RGS10: variants seen among roughly 807,000 people sequenced by gnomAD.
The protein encoded by RGS10 is regulator of G-protein signalling 10.
In RGS10, 11 loss-of-function variants were observed where a neutral mutation model predicts 23.5. The ratio of observed to expected loss-of-function variants is 0.47; its 90% CI spans 0.29 to 0.77. The LOEUF is 0.77. Among genes scored for constraint, RGS10 ranks in the 30% least tolerant of loss-of-function variants. RGS10 has a pLI of 0.08. For missense variants in RGS10, 180 were observed against 226.3 expected, an observed-to-expected ratio of 0.80 and a Z score of 1.31; for synonymous variants, 77 against 83.2, an observed-to-expected ratio of 0.92 and a Z score of 0.41.
chr10:119,527,169 G>T lies in RGS10; in HGVS notation c.168+137C>A. 1 of 620,006 alleles carries T rather than the reference G, an allele frequency of 1.6e-6. No homozygotes were observed. Among genetic ancestry groups the T allele is most frequent in the Non-Finnish European group, 2.9e-6 (1 of 348,534 alleles). 38.4% of individuals were successfully genotyped at this position (620,006 alleles called of 1,614,324 possible). A position where few individuals can be genotyped will look rare whatever the true frequency, so the allele number is the denominator to read the frequency against. ...AAAGTCTCACCCTCAAGCTGGGATA[G>T]ACAGTACTGAACTCTCAAGCTGGCA... is the stretch of plus-strand genomic sequence containing the variant. On this transcript the variant is annotated intron_variant, in intron 2 of 4. Transcript: ENST00000369103. This position sits in a 1 kb window ranked among gnomAD's most constrained non-coding sequence, Gnocchi z 4.2.
rs1029049481 is a variant in RGS10, at chr10:119,527,854, C to T, written c.50-430G>A. Among the ~76,000 whole-genome samples, 18 of 152,094 alleles carry T rather than the reference C, an allele frequency of 1.2e-4. No individual in the cohort carries two copies. The highest frequency in any genetic ancestry group is 4.1e-4 in the African/African-American group (17 of 41,398). On this transcript the variant is annotated intron_variant, in intron 1 of 4. Transcript: ENST00000369103. This position sits in a 1 kb window ranked among gnomAD's most constrained non-coding sequence, Gnocchi z 4.2. ...TTGTGACTATTTACATGACTGACTC[C>T]CACTAGTCTGAAGGCTCCTATGTGT...
chr10:119,528,456 T>C lies in RGS10; in HGVS notation c.50-1032A>G, dbSNP rs891062521. Among the ~76,000 whole-genome samples, 68 of 152,178 alleles carry C rather than the reference T, an allele frequency of 4.5e-4. 2 individuals carry two copies. Among genetic ancestry groups the C allele is most frequent in the Admixed American group, 4.3e-3 (65 of 15,264 alleles). On this transcript the variant is annotated intron_variant, in intron 1 of 4. Coordinates refer to ENST00000369103, the MANE Select transcript of RGS10 (RefSeq NM_001005339.2). The stretch of plus-strand genomic sequence containing the variant: ...TTTTTCCTTTTGCTTCAGAGTCCAA[T>C]ATGGCTCAGCATCACACTGTTATTT...
intron 4 of RGS10, among the ~76,000 whole-genome samples, chr10:119,501,772 G>A (rs952892664): frequency 3.9e-5 from 6 of 152,036 alleles, no homozygotes; most frequent in African/African-American, 1.4e-4. Flanking sequence ...ACATCTGAGG[G>A]ACTCAAAGGA....
intron 3 of RGS10, 89 bp downstream of exon 3, chr10:119,525,943 A>T (rs1466809875): frequency 1.1e-5 from 7 of 618,884 alleles, no homozygotes; most frequent in Non-Finnish European, 2.0e-5. Flanking sequence ...AACTAATATG[A>T]ATCAGGTTTC....
chr10:119,515,569 C>A lies in RGS10; in HGVS notation c.339G>T (p.Arg113=). The A allele has an allele frequency of 6.2e-7, 1 of 1,614,174 alleles. No individual in the cohort carries two copies. The highest frequency in any genetic ancestry group is 2.2e-5 in the East Asian group (1 of 44,878). Residue 113 remains arginine, a synonymous_variant, in exon 4 of 5, where the codon CGG becomes CGT. Coordinates refer to ENST00000369103, the MANE Select transcript of RGS10 (RefSeq NM_001005339.2). ...SSQVNVEGQS[R]LNEKILEEPH... ...GTTCTTCCAGGATCTTCTCGTTGAG[C>A]CGAGACTGCCCCTCCACGTTGACCT...
At chr10:119,534,590 CAAAAAAAAAAA>C (rs561361616) in intron 1 of RGS10, among the ~76,000 whole-genome samples, 1 of 72,966 alleles carries the variant, frequency 1.4e-5, no homozygotes, top group Non-Finnish European at 2.4e-5. Context: ...GACTCTGTCT[CAAAAAAAAAAA>C]AAAAAAAAGG....
chr10:119,512,353 C>G (rs1330439214), intron 4 of RGS10, among the ~76,000 whole-genome samples: 3 of 152,138 alleles, frequency 2.0e-5, no homozygotes, highest in African/African-American at 7.2e-5. Context: ...AAGAAAAAAA[C>G]CGGGGCTAAT....
chr10:119,518,800 G>A (rs936408752), intron 3 of RGS10, among the ~76,000 whole-genome samples: 2 of 151,812 alleles, frequency 1.3e-5, no homozygotes, highest in African/African-American at 2.4e-5. Flanking sequence ...TGCCTCCCGG[G>A]TTCAAGCAAT....
chr10:119,502,143 A>C (rs957778020), intron 4 of RGS10, among the ~76,000 whole-genome samples: 2 of 151,376 alleles, frequency 1.3e-5, no homozygotes, highest in Non-Finnish European at 2.9e-5. Context: ...GAAAAAAAAA[A>C]CAAACTTTTT....
chr10:119,529,332 T>TA (rs1844310345), intron 1 of RGS10, among the ~76,000 whole-genome samples: 1 of 152,112 alleles, frequency 6.6e-6, no homozygotes, highest in Non-Finnish European at 1.5e-5. Context: ...TGGGTGCCTG[T>TA]AGTCCCAGCT....
intron 4 of RGS10, among the ~76,000 whole-genome samples, chr10:119,504,328 T>C (rs1053890253): frequency 2.0e-5 from 3 of 152,174 alleles, no homozygotes; most frequent in Non-Finnish European, 4.4e-5. Context: ...TAGCTGTGAT[T>C]ACAGGTGTGC....
chr10:119,515,282 T>C (rs1844128559), intron 4 of RGS10: 2 of 556,270 alleles, frequency 3.6e-6, no homozygotes, highest in Non-Finnish European at 6.4e-6. Context: ...CTAAACTGTG[T>C]GTAGACCAAG....
chr10:119,519,591 CTA>C (rs1374515498), intron 3 of RGS10, among the ~76,000 whole-genome samples: 1 of 126,876 alleles, frequency 7.9e-6, no homozygotes, highest in Non-Finnish European at 1.7e-5. Context: ...TTCTGTCTCC[CTA>C]TCTGTCCCCC....
chr10:119,539,771 C>T (rs764940410), intron 1 of RGS10, among the ~76,000 whole-genome samples: 5 of 152,132 alleles, frequency 3.3e-5, no homozygotes, highest in South Asian at 2.1e-4. Flanking sequence ...CAAAATCCTC[C>T]GCGGAAAGAC....
In RGS10 at chr10:119,500,154, G is replaced by C. The variant is rs753591158; in HGVS notation, c.505C>G (p.Gln169Glu). The stretch of plus-strand genomic sequence containing the variant: ...CTGGAAGCTCTTTTAGCTGCAGTTT[G>C]AGCATCAGGCAAATCTTCTTCCTCT... Reference protein sequence around the residue: ...EEEEEDLPDAQTAAKRASRIY... With the variant: ...EEEEEDLPDAETAAKRASRIY... The change falls in exon 5 of 5, where the codon CAA becomes GAA. Residue 169 changes from glutamine (Q) to glutamate (E), a missense_variant. Physicochemically the swap from Gln to Glu is conservative, Grantham distance 29 (BLOSUM62 2). Transcript: ENST00000369103. 3.1e-6 allele frequency: 5 copies of C among 1,613,990 alleles called. No individual in the cohort carries two copies. Among genetic ancestry groups the C allele is most frequent in the Non-Finnish European group, 4.2e-6 (5 of 1,180,008 alleles).
chr10:119,518,744 G>C (rs1482587212), intron 3 of RGS10, among the ~76,000 whole-genome samples: 2 of 149,866 alleles, frequency 1.3e-5, no homozygotes, highest in Non-Finnish European at 1.5e-5. Flanking sequence ...TCTCACTGTC[G>C]CCCAGGCTGG....
chr10:119,513,906 C>T (rs561249808), intron 4 of RGS10, among the ~76,000 whole-genome samples: 4 of 152,328 alleles, frequency 2.6e-5, no homozygotes, highest in Admixed American at 2.6e-4. Flanking sequence ...TGGCTTCCAG[C>T]ACTTTTGCTC....
chr10:119,542,145 G>C (rs1010719177), intron 1 of RGS10, among the ~76,000 whole-genome samples: 1 of 152,128 alleles, frequency 6.6e-6, no homozygotes, highest in African/African-American at 2.4e-5. Context: ...CCCAGGCCCA[G>C]GGGCCCAGTC....
chr10:119,525,987 T>G, intron 3 of RGS10, 45 bp downstream of exon 3: 1 of 1,066,732 alleles, frequency 9.4e-7, no homozygotes, highest in Non-Finnish European at 1.4e-6. Flanking sequence ...GGAAAGGCAG[T>G]TGTAACTTTA....
Sources: allele counts gnomAD v4.1 joint callset (sites outside exome capture counted in the v4.1 genomes callset), GRCh38; gene constraint gnomAD v4.1.1; non-coding constraint Gnocchi (gnomAD v3.1); transcripts MANE v1.5; gene names NCBI Gene and HGNC (gene_info 2026-07-23, HGNC 2026-07-21).